The following KIF12 variants were observed in gnomAD, a reference collection of about 807,000 sequenced individuals.
KIF12 encodes kinesin-like protein KIF12.
KIF12 carries 80 observed loss-of-function variants against 87.9 expected under a neutral mutation model. The observed-to-expected ratio is 0.91, with a 90% CI of 0.76 to 1.10. The LOEUF (loss-of-function observed/expected upper bound fraction) is 1.10, where lower values mean the gene tolerates loss of function less well. Ranked by LOEUF, KIF12 falls within the 50% of genes least tolerant of loss-of-function variation. The probability of loss-of-function intolerance (pLI) is 0.00; values close to 1 mark genes in which losing one functional copy is unlikely to be tolerated. For missense variants in KIF12, 819 were observed against 865.3 expected (o/e 0.95, Z 0.67); for synonymous variants, 353 against 348.5 (o/e 1.01, Z -0.14).
chr9:114,092,475 T>G, intron 17 of KIF12, 24 bp from the exon 18 acceptor site: 1 of 1,613,444 alleles, frequency 6.2e-7, no homozygotes, highest in South Asian at 1.1e-5. Flanking sequence ...AGTTGGGAGA[T>G]GGGAGGTGAG....
At chr9:114,098,640 GGGCCGGGGC>G in intron 3 of KIF12, among the ~76,000 whole-genome samples, 1 of 140,862 alleles carries the variant, frequency 7.1e-6, no homozygotes, top group Non-Finnish European at 1.6e-5. Context: ...ACACTCACTA[GGGCCGGGGC>G]ATTCTGGGGA....
At position 114,098,430 on chromosome 9, in the gene KIF12, C is replaced by A; in HGVS notation, c.172-1G>T. 7.1e-7 allele frequency: 1 copy of A among 1,418,282 alleles called. No individual in the cohort carries two copies. The highest frequency in any genetic ancestry group is 9.3e-7 in the Non-Finnish European group (1 of 1,079,388). The allele number at this position is 1,418,282 out of a possible 1,614,324, so 87.9% of individuals were successfully genotyped here. On this transcript the variant is annotated splice_acceptor_variant, in intron 3 of 18. Coordinates refer to ENST00000640217, the MANE Select transcript of KIF12 (RefSeq NM_001388308.1). LOFTEE classifies it high-confidence loss of function. ...CTGGACCCCCGCCTGGAGGACTCAC[C>A]TGGCGCGGGTGGGGCGGAGGAGCGG...
intron 5 of KIF12, 131 bp downstream of exon 5, chr9:114,097,984 G>T (rs767568193): frequency 2.7e-4 from 276 of 1,028,578 alleles, no homozygotes; most frequent in Non-Finnish European, 3.7e-4. Context: ...CAGCGTCCTC[G>T]TCTGCAAACA....
intron 7 of KIF12, 90 bp from the exon 8 acceptor site, chr9:114,096,568 G>T: frequency 8.8e-7 from 1 of 1,136,110 alleles, no homozygotes; most frequent in Non-Finnish European, 1.3e-6. Flanking sequence ...CCTGGCGGAA[G>T]GGTCAGCCTC....
intron 3 of KIF12, among the ~76,000 whole-genome samples, chr9:114,098,688 T>C (rs1847352332): frequency 2.3e-5 from 1 of 43,534 alleles, no homozygotes; most frequent in Non-Finnish European, 4.3e-5. Flanking sequence ...GGGCGGGGCA[T>C]TCTGGGGGGG....
chr9:114,092,671 G>C, intron 16 of KIF12, 29 bp from the exon 17 acceptor site: 3 of 1,553,196 alleles, frequency 1.9e-6, no homozygotes, highest in Non-Finnish European at 2.6e-6. Flanking sequence ...TCCACTCTGG[G>C]TGACCTCAGT....
rs1013819283 is a variant in KIF12, at chr9:114,091,725, C to T, written c.*136G>A. 6.7e-6 allele frequency: 6 copies of T among 892,966 alleles called. No individual in the cohort carries two copies. The highest frequency in any genetic ancestry group is 6.3e-5 in the Admixed American group (2 of 31,758). 55.3% of individuals were successfully genotyped at this position (892,966 alleles called of 1,614,324 possible). A position where few individuals can be genotyped will look rare whatever the true frequency, so the allele number is the denominator to read the frequency against. On this transcript the variant is annotated 3_prime_UTR_variant, in exon 19 of 19. Transcript: ENST00000640217. ...CCCCTTGTTCCCCTAAATAGCACCC[C>T]CAGTCCCCGCCCCTAGCCCAGCTGC... is the stretch of plus-strand genomic sequence containing the variant.
rs538105323 is a variant in KIF12 at position 114,092,318 on chromosome 9, C to T, written c.1816+15G>A. The T allele has an allele frequency of 6.5e-7, 1 of 1,543,588 alleles. No homozygotes were observed. Among genetic ancestry groups the T allele is most frequent in the East Asian group, 2.3e-5 (1 of 44,090 alleles). On this transcript the variant is annotated intron_variant, in intron 18 of 18. Transcript: ENST00000640217. ...CAGAGAACATTAGGGGCCCCTCCCT[C>T]TCTCCCTTCTTCACCTCTGAGCCCT...
chr9:114,097,122 T>C (rs953826245), intron 7 of KIF12, among the ~76,000 whole-genome samples, 179 bp downstream of exon 7: 2 of 151,986 alleles, frequency 1.3e-5, no homozygotes, highest in African/African-American at 4.8e-5. Flanking sequence ...CAGGCCTTGT[T>C]GGCAGTGCGG....
At chr9:114,094,820 C>A (rs1013152171) in intron 11 of KIF12, among the ~76,000 whole-genome samples, 2 of 152,202 alleles carry the variant, frequency 1.3e-5, no homozygotes, top group African/African-American at 4.8e-5. Context: ...AACTCCAACC[C>A]TAGACCTGCC....
chr9:114,092,114 T>TGCCCCCCCCCCCC, intron 18 of KIF12, 114 bp from the exon 19 acceptor site: 64 of 1,388,842 alleles, frequency 4.6e-5, no homozygotes, highest in Non-Finnish European at 5.7e-5. Context: ...CCTCCACCCT[T>TGCCCCCCCCCCCC]CCCCCCACCC....
chr9:114,098,750 G>GTTGGGGCGGGGCACTCGCAGGGT (rs1564386047), intron 3 of KIF12, among the ~76,000 whole-genome samples, 185 bp downstream of exon 3: 3 of 141,666 alleles, frequency 2.1e-5, no homozygotes, highest in Non-Finnish European at 4.6e-5. Context: ...ACTCGCAGGG[G>GTTGGGGCGGGGCACTCGCAGGGT]TTGGCGCGGC....
chr9:114,098,937 G>T lies in KIF12; in HGVS notation c.169C>A (p.Gln57Lys). Reference sequence around the variant, plus strand: ...AGATAGAGAGAGGGGTTCCTCACCTGCAGAGTCCGGGTCCCTGAGCAGTGC... The same window carrying T: ...AGATAGAGAGAGGGGTTCCTCACCTTCAGAGTCCGGGTCCCTGAGCAGTGC... ...VLHCSGTRTL[Q>K]VSPPGGGPEV... is the part of the protein sequence containing the mutation. Residue 57 changes from glutamine to lysine, a missense_variant and splice_region_variant, in exon 3 of 19, where the codon CAG becomes AAG. Coordinates refer to ENST00000640217, the MANE Select transcript of KIF12 (RefSeq NM_001388308.1). 4 of 1,548,122 alleles carry T rather than the reference G, an allele frequency of 2.6e-6. No individual in the cohort carries two copies. In the South Asian group the frequency reaches 4.8e-5, roughly 18 times the overall value.
Position 114,097,386 on chromosome 9 carries a change from C to T in KIF12, c.561G>A (p.Trp187Ter), listed in dbSNP as rs1179863933. The change falls in exon 7 of 19, where the codon TGG becomes TGA. Residue 187 changes from tryptophan to a stop codon, truncating the protein, a stop_gained. Transcript: ENST00000640217. LOFTEE classifies it high-confidence loss of function. ...LGSPRPLPVR[W>*]NKTRGFYVEQ... The stretch of plus-strand genomic sequence containing the variant: ...CCACATAGAAGCCCCGAGTCTTGTT[C>T]CAGCGAACAGGGAGGGGCCGGGGAG... 6.2e-7 allele frequency: 1 copy of T among 1,607,682 alleles called. No individual in the cohort carries two copies. Among genetic ancestry groups the T allele is most frequent in the Non-Finnish European group, 8.5e-7 (1 of 1,178,426 alleles).
At position 114,092,019 on chromosome 9, in the gene KIF12, C is replaced by T. The variant is rs565211937; in HGVS notation, c.1817-19G>A. The T allele has an allele frequency of 1.7e-5, 27 of 1,604,420 alleles. No homozygotes were observed. The highest frequency in any genetic ancestry group is 1.7e-4 in the South Asian group (15 of 90,114). ...GCCCCACCTAAGGAGCAGTGAGACT[C>T]GAGGCCTGCCCTCTCCAGGGCCCTT... On this transcript the variant is annotated intron_variant, in intron 18 of 18. Transcript: ENST00000640217.
rs781010324 is a variant in KIF12, at chr9:114,093,391, G to A, written c.1491+16C>T. The A allele has an allele frequency of 3.1e-5, 49 of 1,559,552 alleles. 1 individual carries two copies. In the South Asian group the frequency reaches 5.3e-4, roughly 17 times the overall value. ...TCCCTACTTGTCACCCCTCCAGGCT[G>A]GGCCGTGAGACTCACATGGCAAGGG... On this transcript the variant is annotated intron_variant, in intron 15 of 18. Transcript: ENST00000640217.
chr9:114,093,907 T>C lies in KIF12; in HGVS notation c.1379A>G (p.Gln460Arg), dbSNP rs1419614023. The C allele has an allele frequency of 1.9e-6, 3 of 1,614,130 alleles. No homozygotes were observed. The highest frequency in any genetic ancestry group is 1.7e-6 in the Non-Finnish European group (2 of 1,180,014). ...TTACCTCTCTAGTGCATGGACCTGCTGGGCCAGGATGCGCTGCTCATTCTG... is the reference window on the plus strand; with the variant it reads ...TTACCTCTCTAGTGCATGGACCTGCCGGGCCAGGATGCGCTGCTCATTCTG... Reference protein sequence around the residue: ...LAQNEQRILAQQVHALERRLL... With the variant: ...LAQNEQRILARQVHALERRLL... Residue 460 changes from glutamine (Q) to arginine (R), a missense_variant, in exon 14 of 19, where the codon CAG becomes CGG. Physicochemically the swap from Gln to Arg is conservative, Grantham distance 43 (BLOSUM62 1). Transcript: ENST00000640217.
intron 12 of KIF12, 35 bp downstream of exon 12, chr9:114,094,318 A>G: frequency 6.2e-7 from 1 of 1,609,664 alleles, no homozygotes; most frequent in Non-Finnish European, 8.5e-7. Context: ...CCCAGACCCT[A>G]TCCCCATCCT....
chr9:114,097,719 G>T lies in KIF12; in HGVS notation c.398C>A (p.Pro133His). ...CCTCTGCATGATGCCAGCCAGGCTG[G>T]GGGGTACAGGCACCCCCTCCCCCTA... ...PPQGEGVPVP[P>H]SLAGIMQRTF... Residue 133 changes from proline (P) to histidine (H), a missense_variant, in exon 6 of 19, where the codon CCC becomes CAC. By Grantham distance (77) the Pro-to-His change is moderately conservative. Coordinates refer to ENST00000640217, the MANE Select transcript of KIF12 (RefSeq NM_001388308.1). 6.2e-7 allele frequency: 1 copy of T among 1,613,966 alleles called. No homozygotes were observed. Among genetic ancestry groups the T allele is most frequent in the Non-Finnish European group, 8.5e-7 (1 of 1,179,966 alleles).
Sources: allele counts gnomAD v4.1 joint callset (sites outside exome capture counted in the v4.1 genomes callset), GRCh38; gene constraint gnomAD v4.1.1; transcripts MANE v1.5; gene names NCBI Gene and HGNC (gene_info 2026-07-23, HGNC 2026-07-21).